The following KIF2A variants were observed in gnomAD, a reference collection of about 807,000 sequenced individuals.
The protein encoded by KIF2A is kinesin-like protein KIF2A.
A neutral mutation model predicts 100.2 loss-of-function variants in KIF2A; 22 were observed. The observed-to-expected ratio is 0.22, with a 90% CI of 0.16 to 0.31. The LOEUF (loss-of-function observed/expected upper bound fraction) is 0.31. Among genes scored for constraint, KIF2A ranks in the 10% least tolerant of loss-of-function variants. The pLI, the probability that KIF2A is intolerant of heterozygous loss-of-function variation, is 1.00. For synonymous variants in KIF2A, 268 were observed against 285.9 expected (o/e 0.94, Z 0.63); for missense variants, 495 against 898.7 (o/e 0.55, Z 5.74).
intron 1 of KIF2A, among the ~76,000 whole-genome samples, chr5:62,345,975 A>G (rs2111902809): frequency 6.6e-6 from 1 of 152,244 alleles, no homozygotes; most frequent in South Asian, 2.1e-4. Context: ...GTGTGCTTCT[A>G]GGAATTTGTC....
chr5:62,385,629 A>G lies in KIF2A; in HGVS notation c.*60A>G. ...TCACTACTGTAACATACAACGGTTC[A>G]GCTGTAAGGGCCATTTGAAAGTTTG... On this transcript the variant is annotated 3_prime_UTR_variant, in exon 21 of 21. Coordinates refer to ENST00000407818, the MANE Select transcript of KIF2A (RefSeq NM_001098511.3). 1 of 1,178,684 alleles carries G rather than the reference A, an allele frequency of 8.5e-7. No individual in the cohort carries two copies. Among genetic ancestry groups the G allele is most frequent in the East Asian group, 2.6e-5 (1 of 39,118 alleles). 73.0% of individuals were successfully genotyped at this position (1,178,684 alleles called of 1,614,324 possible).
intron 1 of KIF2A, among the ~76,000 whole-genome samples, chr5:62,312,838 C>T (rs1228089734): frequency 6.6e-6 from 1 of 152,080 alleles, no homozygotes; most frequent in East Asian, 1.9e-4. Context: ...ACTTTGGAGG[C>T]CAAAGCAGGA....
chr5:62,340,107 TTG>T (rs1580046214), intron 1 of KIF2A, among the ~76,000 whole-genome samples: 1 of 151,932 alleles, frequency 6.6e-6, no homozygotes, highest in East Asian at 1.9e-4. Context: ...AGCTAATTTT[TTG>T]TGTTTTTAGT....
At chr5:62,357,577 C>T in intron 7 of KIF2A, 114 bp from the exon 8 acceptor site, 1 of 488,158 alleles carries the variant, frequency 2.0e-6, no homozygotes, top group Non-Finnish European at 3.6e-6. Flanking sequence ...GCTTACCTAT[C>T]ATTTATGCTA....
At chr5:62,309,641 CAT>C (rs1332710347) in intron 1 of KIF2A, among the ~76,000 whole-genome samples, 2 of 152,160 alleles carry the variant, frequency 1.3e-5, no homozygotes, top group Non-Finnish European at 2.9e-5. Context: ...GTAGAAATGA[CAT>C]GAGTAAAGAA....
intron 5 of KIF2A, 66 bp from the exon 6 acceptor site, chr5:62,353,209 A>G: frequency 2.4e-6 from 2 of 833,330 alleles, no homozygotes; most frequent in South Asian, 2.0e-5. Context: ...TTATACATAA[A>G]AAAAGTTTAA....
At chr5:62,352,827 T>C in intron 5 of KIF2A, 117 bp downstream of exon 5, 1 of 745,024 alleles carries the variant, frequency 1.3e-6, no homozygotes, top group Non-Finnish European at 2.0e-6. Flanking sequence ...ATTGCAGATT[T>C]CATTTTACCA....
At chr5:62,337,828 A>G (rs971754371) in intron 1 of KIF2A, among the ~76,000 whole-genome samples, 12 of 151,828 alleles carry the variant, frequency 7.9e-5, no homozygotes, top group Non-Finnish European at 1.3e-4. Flanking sequence ...AAAAAAAAAA[A>G]GTAGCTTTGA....
chr5:62,371,579 C>T (rs879777619), intron 16 of KIF2A, among the ~76,000 whole-genome samples: 1 of 152,174 alleles, frequency 6.6e-6, no homozygotes, highest in African/African-American at 2.4e-5. Context: ...ATGCCACATT[C>T]TCAGTGAATG....
intron 10 of KIF2A, 27 bp from the exon 11 acceptor site, chr5:62,361,439 G>A: frequency 6.7e-7 from 1 of 1,492,720 alleles, no homozygotes; most frequent in Non-Finnish European, 9.3e-7. Context: ...AGTAATGTCT[G>A]TTCTTTATTT....
intron 9 of KIF2A, among the ~76,000 whole-genome samples, chr5:62,359,926 T>TACAAA (rs1156631859): frequency 6.6e-6 from 1 of 152,160 alleles, no homozygotes; most frequent in African/African-American, 2.4e-5. Flanking sequence ...TTTTGCCTTT[T>TACAAA]ACAAAACAAA....
In KIF2A at chr5:62,389,167, A is replaced by C; in HGVS notation, c.*3598A>C. 2.3e-6 allele frequency: 2 copies of C among 862,790 alleles called. No homozygotes were observed. The highest frequency in any genetic ancestry group is 5.6e-5 in the Admixed American group (2 of 35,452). The allele number at this position is 862,790 out of a possible 1,614,324, so 53.4% of individuals were successfully genotyped here. A position where few individuals can be genotyped will look rare whatever the true frequency, so the allele number is the denominator to read the frequency against. On this transcript the variant is annotated 3_prime_UTR_variant, in exon 21 of 21. Transcript: ENST00000407818. ...TGAATACAGCATGCTTACAGAGCCC[A>C]CCCACTCCTAATACTAGTTATTAAA...
At chr5:62,365,180 G>A (rs1741010526) in intron 14 of KIF2A, 63 bp from the exon 15 acceptor site, 6 of 787,536 alleles carry the variant, frequency 7.6e-6, no homozygotes, top group Middle Eastern at 2.4e-4. Context: ...TTTAAAATAT[G>A]TTAATTAAGA....
At chr5:62,318,137 C>T (rs970447710) in intron 1 of KIF2A, among the ~76,000 whole-genome samples, 2 of 151,854 alleles carry the variant, frequency 1.3e-5, no homozygotes, top group Non-Finnish European at 2.9e-5. Flanking sequence ...GGCTGGAGTG[C>T]AGTGGCGCAA....
At chr5:62,326,101 A>G in intron 1 of KIF2A, among the ~76,000 whole-genome samples, 1 of 152,134 alleles carries the variant, frequency 6.6e-6, no homozygotes, top group Middle Eastern at 3.2e-3. Context: ...ACAAACCTGC[A>G]TATGAACCCC....
At chr5:62,359,209 G>A (rs1003757301) in intron 9 of KIF2A, among the ~76,000 whole-genome samples, 16 of 151,976 alleles carry the variant, frequency 1.1e-4, no homozygotes, top group African/African-American at 3.1e-4. Context: ...ATTTTCATAC[G>A]TAAGTTTGCA....
At chr5:62,352,853 C>G in intron 5 of KIF2A, 143 bp downstream of exon 5, 1 of 648,956 alleles carries the variant, frequency 1.5e-6, no homozygotes, top group East Asian at 3.3e-5. Context: ...GAAAATTTAA[C>G]TTCTTCTTAT....
chr5:62,354,886 T>G (rs1397017655), intron 6 of KIF2A, among the ~76,000 whole-genome samples: 1 of 152,098 alleles, frequency 6.6e-6, no homozygotes, highest in Non-Finnish European at 1.5e-5. Context: ...TTGAAATAGG[T>G]GAAGGGTAAC....
intron 1 of KIF2A, among the ~76,000 whole-genome samples, chr5:62,326,267 T>C (rs1376773918): frequency 2.6e-5 from 4 of 152,192 alleles, no homozygotes; most frequent in Non-Finnish European, 5.9e-5. Context: ...TATTTCTGTA[T>C]TTGTATTCTG....
Sources: allele counts gnomAD v4.1 joint callset (sites outside exome capture counted in the v4.1 genomes callset), GRCh38; gene constraint gnomAD v4.1.1; transcripts MANE v1.5; gene names NCBI Gene and HGNC (gene_info 2026-07-23, HGNC 2026-07-21).